Variants in NAPG observed in about 807,000 individuals in gnomAD.
NAPG encodes NSF attachment protein gamma.
In NAPG, 25 loss-of-function variants were observed where a neutral mutation model predicts 48.4. That is an observed-to-expected ratio of 0.52 (90% CI 0.38 to 0.72). NAPG has a LOEUF of 0.72. Among genes scored for constraint, NAPG ranks in the 30% least tolerant of loss-of-function variants. The probability of loss-of-function intolerance (pLI) is 0.00; values close to 1 mark genes in which losing one functional copy is unlikely to be tolerated. For missense variants in NAPG, 359 were observed against 372.5 expected (o/e 0.96, Z 0.30); for synonymous variants, 139 against 127.2 (o/e 1.09, Z -0.62).
chr18:10,550,114 G>C lies in NAPG; in HGVS notation c.833G>C (p.Gly278Ala), dbSNP rs1320825773. 2.5e-6 allele frequency: 4 copies of C among 1,575,894 alleles called. No individual in the cohort carries two copies. The East Asian group carries it at 7.3e-5, about 29-fold the overall frequency. Residue 278 changes from glycine to alanine, a missense_variant, in exon 12 of 12, where the codon GGG (glycine) becomes GCG (alanine). Transcript: ENST00000322897. ...GGCCTGAGTTTGGTGGTTCCAGGAGGGGGAATCAAGAAGAAATCACCTGCA... is the reference window on the plus strand; with the variant it reads ...GGCCTGAGTTTGGTGGTTCCAGGAGCGGGAATCAAGAAGAAATCACCTGCA... ...KLGLSLVVPG[G>A]GIKKKSPATP...
intron 1 of NAPG, among the ~76,000 whole-genome samples, chr18:10,527,715 T>G (rs2031848022): frequency 7.3e-6 from 1 of 136,544 alleles, no homozygotes; most frequent in Non-Finnish European, 1.5e-5. Context: ...CTGTAGTATG[T>G]ATTATACGCG....
In NAPG at chr18:10,544,481, C is replaced by T. The variant is rs1359014965; in HGVS notation, c.507-1845C>T. On this transcript the variant is annotated intron_variant, in intron 8 of 11. Transcript: ENST00000322897. The surrounding 1 kb of genome is among the most constrained non-coding windows in gnomAD (Gnocchi z 5.1). ...TTCCTGTTTTCTTGTTGCCTGTTCG[C>T]CAGGAACTGCTCTCAGCTTTGAGTT... Among the ~76,000 whole-genome samples the T allele has an allele frequency of 1.3e-5, 2 of 152,200 alleles. No individual in the cohort carries two copies. The highest frequency in any genetic ancestry group is 6.5e-5 in the Admixed American group (1 of 15,284).
chr18:10,534,591 A>T lies in NAPG; in HGVS notation c.258+95A>T. ...TTTGTTGAAGTTGAAAAGCTTCCTTACTGTAAGGCAAGAGGTGCTAAGTTA... is the reference window on the plus strand; with the variant it reads ...TTTGTTGAAGTTGAAAAGCTTCCTTTCTGTAAGGCAAGAGGTGCTAAGTTA... On this transcript the variant is annotated intron_variant, in intron 5 of 11. Coordinates refer to ENST00000322897, the MANE Select transcript of NAPG (RefSeq NM_003826.3). The surrounding 1 kb of genome is among the most constrained non-coding windows in gnomAD (Gnocchi z 5.0). 1 of 1,161,120 alleles carries T rather than the reference A, an allele frequency of 8.6e-7. No individual in the cohort carries two copies. Among genetic ancestry groups the T allele is most frequent in the Non-Finnish European group, 1.3e-6 (1 of 774,604 alleles). 71.9% of individuals were successfully genotyped at this position (1,161,120 alleles called of 1,614,324 possible). A position where few individuals can be genotyped will look rare whatever the true frequency, so the allele number is the denominator to read the frequency against.
chr18:10,545,462 C>G (rs556809116), intron 8 of NAPG, among the ~76,000 whole-genome samples: 6 of 152,330 alleles, frequency 3.9e-5, no homozygotes, highest in Admixed American at 6.5e-5. Context: ...TGTGTGTATT[C>G]CCAATGCCCA....
intron 1 of NAPG, among the ~76,000 whole-genome samples, chr18:10,529,302 G>A (rs983140326): frequency 3.9e-5 from 6 of 152,214 alleles, no homozygotes; most frequent in African/African-American, 7.2e-5. Flanking sequence ...TTGTAGATTT[G>A]AGTAGACACA....
intron 5 of NAPG, among the ~76,000 whole-genome samples, chr18:10,536,597 C>T (rs2032037707): frequency 6.6e-6 from 1 of 152,118 alleles, no homozygotes; most frequent in Non-Finnish European, 1.5e-5. Context: ...GGAGAAGTAT[C>T]AATATTGTGG....
chr18:10,549,174 T>G, intron 11 of NAPG, 78 bp downstream of exon 11: 1 of 1,500,606 alleles, frequency 6.7e-7, no homozygotes, highest in East Asian at 2.3e-5. Context: ...TTTTTACCCA[T>G]GTACTTAAGA....
At chr18:10,533,910 C>T (rs757103776) in intron 4 of NAPG, among the ~76,000 whole-genome samples, 19 of 152,018 alleles carry the variant, frequency 1.2e-4, no homozygotes, top group African/African-American at 1.7e-4. Flanking sequence ...ATTTGTTGGC[C>T]GAGGCAGGCG....
At chr18:10,532,889 G>A in intron 3 of NAPG, 94 bp downstream of exon 3, 2 of 1,045,116 alleles carry the variant, frequency 1.9e-6, no homozygotes, top group South Asian at 1.6e-5. Context: ...TACCTGTGAA[G>A]TAAAATGTTT....
chr18:10,546,339 G>A lies in NAPG; in HGVS notation c.520G>A (p.Ala174Thr), dbSNP rs772846019. 4.4e-6 allele frequency: 7 copies of A among 1,578,654 alleles called. No homozygotes were observed. The highest frequency in any genetic ancestry group is 6.0e-6 in the Non-Finnish European group (7 of 1,158,322). ...GTTTTGTTTTAGGTTTGATGAGGCG[G>A]CACTCTCTATTCAGAAAGAAAAAAA... is the stretch of plus-strand genomic sequence containing the variant. ...LVRGRRFDEAALSIQKEKNIY... is the reference protein window; with the variant it reads ...LVRGRRFDEATLSIQKEKNIY... Residue 174 changes from alanine to threonine, a missense_variant, in exon 9 of 12, where the codon GCA becomes ACA. Transcript: ENST00000322897. This position sits in a 1 kb window ranked among gnomAD's most constrained non-coding sequence, Gnocchi z 4.0.
At position 10,533,518 on chromosome 18, in the gene NAPG, T is replaced by TTC; in HGVS notation, c.210-17_210-16dup. On this transcript the variant is annotated splice_polypyrimidine_tract_variant and intron_variant, in intron 3 of 11. Transcript: ENST00000322897. ...TTTTTCTTTTTTCCTTAACTTTGAC[T>TTC]TCGTTACTTCCATTCAGTCTTTTTC... The TTC allele has an allele frequency of 6.3e-7, 1 of 1,593,348 alleles. No individual in the cohort carries two copies.
In NAPG at chr18:10,548,146, A is replaced by G. The variant is rs1009859989; in HGVS notation, c.586-153A>G. Among the ~76,000 whole-genome samples the G allele has an allele frequency of 3.9e-5, 6 of 152,214 alleles. No homozygotes were observed. Among genetic ancestry groups the G allele is most frequent in the Admixed American group, 1.3e-4 (2 of 15,288 alleles). ...GTACTGTTCTAGGATATTTCCCCTC[A>G]GGTGTCCCGTGGAAGTTACTATAGC... On this transcript the variant is annotated intron_variant, in intron 9 of 11. Transcript: ENST00000322897. The surrounding 1 kb of genome is among the most constrained non-coding windows in gnomAD (Gnocchi z 4.4).
chr18:10,544,738 GA>G lies in NAPG; in HGVS notation c.507-1585del, dbSNP rs2032226405. ...CTACACTTAAAGGGGGATTATAGAG[GA>G]AATGTTTACAAGGGGCAAGAATCGG... On this transcript the variant is annotated intron_variant, in intron 8 of 11. Transcript: ENST00000322897. This position sits in a 1 kb window ranked among gnomAD's most constrained non-coding sequence, Gnocchi z 5.1. 6.6e-6 allele frequency among the ~76,000 whole-genome samples: 1 copy of G among 152,140 alleles called. No homozygotes were observed. The highest frequency in any genetic ancestry group is 6.5e-5 in the Admixed American group (1 of 15,280).
chr18:10,550,338 A>G lies in NAPG; in HGVS notation c.*118A>G. ...CATTACAGTCATGATTTTGGATCCT[A>G]ATAAAGACTAGTTTTTAGTTACCAT... On this transcript the variant is annotated 3_prime_UTR_variant, in exon 12 of 12. Transcript: ENST00000322897. 1 of 1,129,300 alleles carries G rather than the reference A, an allele frequency of 8.9e-7. No individual in the cohort carries two copies. The highest frequency in any genetic ancestry group is 1.2e-6 in the Non-Finnish European group (1 of 832,106). The allele number at this position is 1,129,300 out of a possible 1,614,324, so 70.0% of individuals were successfully genotyped here.
chr18:10,537,456 T>A (rs1298640324), intron 5 of NAPG, among the ~76,000 whole-genome samples: 1 of 152,156 alleles, frequency 6.6e-6, no homozygotes, highest in Non-Finnish European at 1.5e-5. Flanking sequence ...CTCATCATAG[T>A]CTTCACGTTT....
chr18:10,527,858 A>C (rs994761168), intron 1 of NAPG, among the ~76,000 whole-genome samples: 1 of 152,176 alleles, frequency 6.6e-6, no homozygotes, highest in African/African-American at 2.4e-5. Context: ...GCATCCAACC[A>C]GTGGACTCGG....
Position 10,539,885 on chromosome 18 carries a change from G to A in NAPG, c.368+14G>A. The A allele has an allele frequency of 1.2e-6, 2 of 1,612,658 alleles. No homozygotes were observed. The highest frequency in any genetic ancestry group is 1.7e-6 in the Non-Finnish European group (2 of 1,178,794). ...GCGAGCTGGAAAGTGAGTGTGAGATGGACAAGTCTCTGCATAGAAGTCTTG... is the reference window on the plus strand; with the variant it reads ...GCGAGCTGGAAAGTGAGTGTGAGATAGACAAGTCTCTGCATAGAAGTCTTG... On this transcript the variant is annotated intron_variant, in intron 6 of 11. Transcript: ENST00000322897. The surrounding 1 kb of genome is among the most constrained non-coding windows in gnomAD (Gnocchi z 4.7).
chr18:10,533,642 T>G, intron 4 of NAPG, 89 bp downstream of exon 4: 1 of 1,107,714 alleles, frequency 9.0e-7, no homozygotes, highest in Non-Finnish European at 1.3e-6. Flanking sequence ...TCCCAAATTA[T>G]AAATTTTGTA....
rs1192938459 is a variant in NAPG, at chr18:10,551,396, C to T, written c.*1176C>T. Reference sequence around the variant, plus strand: ...TGGAAAATGCTATATACTATGAAAACTTAGCTGAAAGGGAAGAATTGTTTT... The same window carrying T: ...TGGAAAATGCTATATACTATGAAAATTTAGCTGAAAGGGAAGAATTGTTTT... On this transcript the variant is annotated 3_prime_UTR_variant, in exon 12 of 12. Transcript: ENST00000322897. 1 of 152,184 alleles carries T rather than the reference C, an allele frequency of 6.6e-6. No homozygotes were observed. Among genetic ancestry groups the T allele is most frequent in the African/African-American group, 2.4e-5 (1 of 41,434 alleles). The allele number at this position is 152,184 out of a possible 1,614,324, so 9.4% of individuals were successfully genotyped here.
Sources: allele counts gnomAD v4.1 joint callset (sites outside exome capture counted in the v4.1 genomes callset), GRCh38; gene constraint gnomAD v4.1.1; non-coding constraint Gnocchi (gnomAD v3.1); transcripts MANE v1.5; gene names NCBI Gene and HGNC (gene_info 2026-07-23, HGNC 2026-07-21).